Variants in AMOT observed in about 807,000 individuals in gnomAD.
AMOT encodes the protein angiomotin.
In AMOT, 11 loss-of-function variants were observed where a neutral mutation model predicts 67.0. The observed-to-expected ratio is 0.16, with a 90% CI of 0.10 to 0.27. The LOEUF is 0.27. Among genes scored for constraint, AMOT ranks in the 10% least tolerant of loss-of-function variants. The pLI is 1.00. For missense variants in AMOT, 753 were observed against 852.0 expected (o/e 0.88, Z 1.45); for synonymous variants, 326 against 321.4 (o/e 1.01, Z -0.15).
chrX:112,790,495 A>G (rs1602763046), intron 10 of AMOT, 97 bp downstream of exon 10: 4 of 970,082 alleles, frequency 4.1e-6, no homozygotes, highest in Non-Finnish European at 4.2e-6. Flanking sequence ...ATTGGGGGGG[A>G]AACCCAGAAT....
At chrX:112,821,957 TC>T (rs992305461) in intron 4 of AMOT, among the ~76,000 whole-genome samples, 2 of 112,240 alleles carry the variant, frequency 1.8e-5, no homozygotes, top group Non-Finnish European at 3.8e-5. Flanking sequence ...CCCTTCAACA[TC>T]CTAGGAGAGA....
chrX:112,826,643 CT>C (rs1006193673), intron 2 of AMOT, among the ~76,000 whole-genome samples: 7 of 111,425 alleles, frequency 6.3e-5, no homozygotes, highest in Admixed American at 3.8e-4. Flanking sequence ...AACACTCATC[CT>C]TTTTTTTCCA....
At chrX:112,821,554 T>C (rs1366460977) in intron 4 of AMOT, among the ~76,000 whole-genome samples, 1 of 111,777 alleles carries the variant, frequency 8.9e-6, no homozygotes, top group Non-Finnish European at 1.9e-5. Flanking sequence ...TTTCCTTCTG[T>C]ATTTTAGCAT....
Position 112,815,825 on chromosome X carries a change from T to C in AMOT, c.925A>G (p.Ser309Gly), listed in dbSNP as rs1331873389. Residue 309 changes from serine (S) to glycine (G), a missense_variant, in exon 5 of 14, where the codon AGC (serine) becomes GGC (glycine). Around this residue, in one of 5 missense-constraint regions of AMOT, gnomAD observed 297 missense variants for 284.3 expected, o/e 1.04. Transcript: ENST00000371959. Reference sequence around the variant, plus strand: ...CCAGAGGTCAGAGAAGAAGTAGGGCTGTGAGGCTGCGAGTTCCTGGCTGAC... The same window carrying C: ...CCAGAGGTCAGAGAAGAAGTAGGGCCGTGAGGCTGCGAGTTCCTGGCTGAC... ...PLSARNSQPHSPTSSLTSGGS... is the reference protein window; with the variant it reads ...PLSARNSQPHGPTSSLTSGGS... 2 of 1,167,117 alleles carry C rather than the reference T, an allele frequency of 1.7e-6. No homozygotes were observed. Among genetic ancestry groups the C allele is most frequent in the Non-Finnish European group, 2.3e-6 (2 of 872,840 alleles).
At chrX:112,788,288 CAA>C (rs34196603) in intron 10 of AMOT, among the ~76,000 whole-genome samples, 4 of 72,842 alleles carry the variant, frequency 5.5e-5, no homozygotes, top group Admixed American at 1.6e-4. Context: ...GACTCCTTCT[CAA>C]AAAAAAAAAA....
intron 2 of AMOT, among the ~76,000 whole-genome samples, chrX:112,826,128 C>A (rs1408830395): frequency 9.0e-6 from 1 of 111,672 alleles, no homozygotes; most frequent in East Asian, 2.8e-4. Context: ...TCAGCCTAAT[C>A]AAAATGATTC....
At chrX:112,814,296 GA>G in intron 5 of AMOT, among the ~76,000 whole-genome samples, 1 of 109,049 alleles carries the variant, frequency 9.2e-6, no homozygotes, top group South Asian at 3.9e-4. Context: ...AAGAAAGAAA[GA>G]AAAAAAATCA....
chrX:112,809,553 C>T (rs1934290708), intron 7 of AMOT, among the ~76,000 whole-genome samples: 1 of 111,482 alleles, frequency 9.0e-6, no homozygotes, highest in African/African-American at 3.3e-5. Flanking sequence ...AGCCAACACA[C>T]AGTTTCTTCT....
At chrX:112,819,433 T>A (rs1934656455) in intron 4 of AMOT, 2 of 750,578 alleles carry the variant, frequency 2.7e-6, no homozygotes, top group African/African-American at 4.6e-5. Context: ...AGCTCTGCTC[T>A]GAACTACAGA....
chrX:112,837,921 T>G (rs941981179), intron 1 of AMOT, among the ~76,000 whole-genome samples: 1 of 111,314 alleles, frequency 9.0e-6, no homozygotes, highest in Non-Finnish European at 1.9e-5. Flanking sequence ...TTGGAAACAT[T>G]TACCCATTTA....
intron 8 of AMOT, 96 bp from the exon 9 acceptor site, chrX:112,792,077 T>C (rs1602766143): frequency 4.8e-6 from 5 of 1,034,063 alleles, no homozygotes; most frequent in Non-Finnish European, 6.6e-6. Context: ...TGTGTTTAGA[T>C]CTCTTCTTGT....
chrX:112,782,549 A>C lies in AMOT; in HGVS notation c.2231T>G (p.Met744Arg), dbSNP rs1370959177. ...ILMANKRCLDMEGRIKTLHAQ... is the reference protein window; with the variant it reads ...ILMANKRCLDREGRIKTLHAQ... ...CAGAACAACATTTTACCTGCCCTCC[A>C]TGTCAAGGCAACGCTTATTGGCCAT... The change falls in exon 11 of 14, where the codon ATG becomes AGG. Residue 744 changes from methionine to arginine, a missense_variant. By Grantham distance (91) the Met-to-Arg change is moderately conservative. Around this residue, in one of 5 missense-constraint regions of AMOT, gnomAD observed 269 missense variants for 300.9 expected, o/e 0.89. Transcript: ENST00000371959. 8.3e-7 allele frequency: 1 copy of C among 1,211,350 alleles called. No homozygotes were observed. The highest frequency in any genetic ancestry group is 1.8e-5 in the South Asian group (1 of 56,944).
chrX:112,779,811 A>G (rs1355132072), intron 12 of AMOT, 131 bp from the exon 13 acceptor site: 3 of 265,637 alleles, frequency 1.1e-5, no homozygotes, highest in African/African-American at 2.8e-5. Context: ...TTATTTAAAT[A>G]TTTAAAATAT....
intron 8 of AMOT, among the ~76,000 whole-genome samples, chrX:112,793,050 T>G (rs1333643410): frequency 9.1e-6 from 1 of 109,877 alleles, no homozygotes. Context: ...CTTCCCAACT[T>G]GTTAATAAAT....
intron 10 of AMOT, among the ~76,000 whole-genome samples, chrX:112,785,812 T>G (rs1933347435): frequency 8.9e-6 from 1 of 112,348 alleles, no homozygotes; most frequent in Admixed American, 9.4e-5. Context: ...GAAGTAGAAC[T>G]GATAGAATTT....
intron 2 of AMOT, among the ~76,000 whole-genome samples, chrX:112,831,679 T>A (rs1934992370): frequency 9.1e-6 from 1 of 109,823 alleles, no homozygotes; most frequent in Admixed American, 9.7e-5. Flanking sequence ...ACATGGAGTG[T>A]GATGACCAAT....
chrX:112,820,099 G>A (rs981938438), intron 4 of AMOT, among the ~76,000 whole-genome samples: 2 of 111,995 alleles, frequency 1.8e-5, no homozygotes, highest in African/African-American at 3.2e-5. Context: ...ACAATTTTAC[G>A]GCCAGTATTT....
intron 2 of AMOT, among the ~76,000 whole-genome samples, chrX:112,830,668 A>G (rs16987113): frequency 0.028 from 3,105 of 112,213 alleles, 118 homozygotes; most frequent in African/African-American, 0.096. Flanking sequence ...GAAGCAGTGT[A>G]GTATCCCAGT....
At chrX:112,810,112 C>T (rs1225994743) in intron 6 of AMOT, 126 bp from the exon 7 acceptor site, 1 of 507,027 alleles carries the variant, frequency 2.0e-6, no homozygotes, top group Non-Finnish European at 3.3e-6. Flanking sequence ...GAATGGGTGA[C>T]TAACATGAGT....
Sources: allele counts gnomAD v4.1 joint callset (sites outside exome capture counted in the v4.1 genomes callset), GRCh38; gene constraint gnomAD v4.1.1; regional missense constraint gnomAD v4.1.1; transcripts MANE v1.5; gene names NCBI Gene and HGNC (gene_info 2026-07-23, HGNC 2026-07-21).